Variants in UXS1 observed in about 807,000 individuals in gnomAD.
UXS1 encodes UDP-glucuronate decarboxylase 1.
A neutral mutation model predicts 62.6 loss-of-function variants in UXS1; 33 were observed. The ratio of observed to expected loss-of-function variants is 0.53; its 90% CI spans 0.40 to 0.70. The LOEUF (loss-of-function observed/expected upper bound fraction) is 0.70. Among genes scored for constraint, UXS1 ranks in the 30% least tolerant of loss-of-function variants. The pLI, the probability that UXS1 is intolerant of heterozygous loss-of-function variation, is 0.00. For synonymous variants in UXS1, 213 were observed against 206.8 expected (o/e 1.03, Z -0.26); for missense variants, 434 against 556.3 (o/e 0.78, Z 2.21).
At chr2:106,107,805 C>A (rs1163759643) in intron 10 of UXS1, among the ~76,000 whole-genome samples, 1 of 152,226 alleles carries the variant, frequency 6.6e-6, no homozygotes, top group Non-Finnish European at 1.5e-5. Context: ...CCAGCACCGA[C>A]ACAAGGTTCA....
intron 6 of UXS1, among the ~76,000 whole-genome samples, chr2:106,144,822 C>A (rs1425706631): frequency 6.6e-6 from 1 of 152,154 alleles, no homozygotes; most frequent in Non-Finnish European, 1.5e-5. Context: ...TCCATGAACT[C>A]ATCACCTCCA....
intron 6 of UXS1, among the ~76,000 whole-genome samples, chr2:106,142,464 A>G (rs1228789677): frequency 1.3e-5 from 2 of 152,070 alleles, no homozygotes; most frequent in Non-Finnish European, 2.9e-5. Context: ...TATTTTTGTA[A>G]TTTTCCAGAT....
At chr2:106,157,461 T>C (rs1307802950) in intron 5 of UXS1, among the ~76,000 whole-genome samples, 1 of 152,194 alleles carries the variant, frequency 6.6e-6, no homozygotes, top group Non-Finnish European at 1.5e-5. Context: ...TCAAATTTCA[T>C]ACTTCCTCAA....
Position 106,153,895 on chromosome 2 carries a change from G to A in UXS1, c.291+4163C>T, listed in dbSNP as rs144010903. 2.4e-4 allele frequency among the ~76,000 whole-genome samples: 37 copies of A among 152,300 alleles called. No homozygotes were observed. The East Asian group carries it at 6.9e-3, about 29-fold the overall frequency. On this transcript the variant is annotated intron_variant, in intron 5 of 14. Coordinates refer to ENST00000283148, the MANE Select transcript of UXS1 (RefSeq NM_001253875.2). ...GATAATAAAGAGAGATTACAAAATA[G>A]AAACAAATTGAATTCTGGAGTTGAA...
chr2:106,171,121 A>G (rs1029346359), intron 1 of UXS1, among the ~76,000 whole-genome samples: 3 of 152,224 alleles, frequency 2.0e-5, no homozygotes, highest in Admixed American at 6.5e-5. Context: ...GAGGCATATC[A>G]GCTTCATAGT....
intron 3 of UXS1, 85 bp downstream of exon 3, chr2:106,164,651 A>G: frequency 9.2e-7 from 1 of 1,086,588 alleles, no homozygotes; most frequent in Non-Finnish European, 1.3e-6. Flanking sequence ...TCAAGCTGCC[A>G]CAATAAGAAT....
chr2:106,096,079 T>G (rs1339103161), intron 14 of UXS1, among the ~76,000 whole-genome samples: 1 of 152,198 alleles, frequency 6.6e-6, no homozygotes, highest in African/African-American at 2.4e-5. Flanking sequence ...TGGGGACCAC[T>G]TGCCCCTGAC....
chr2:106,096,375 G>A (rs1255807177), intron 14 of UXS1, among the ~76,000 whole-genome samples: 2 of 152,196 alleles, frequency 1.3e-5, no homozygotes, highest in African/African-American at 4.8e-5. Flanking sequence ...GTGTATATAT[G>A]ACAGTGTGAG....
chr2:106,183,688 ACACACC>A (rs1684386982), intron 1 of UXS1: 1 of 152,236 alleles, frequency 6.6e-6, no homozygotes, highest in African/African-American at 2.4e-5. Flanking sequence ...ACTTTACAAC[ACACACC>A]CACACCTTTT....
chr2:106,098,983 C>T (rs1358367292), intron 12 of UXS1, among the ~76,000 whole-genome samples: 1 of 152,224 alleles, frequency 6.6e-6, no homozygotes, highest in African/African-American at 2.4e-5. Flanking sequence ...ATACCTTCAG[C>T]CTCTAGGCTG....
chr2:106,115,403 G>A (rs1678981464), intron 9 of UXS1, among the ~76,000 whole-genome samples: 1 of 152,220 alleles, frequency 6.6e-6, no homozygotes, highest in Admixed American at 6.5e-5. Context: ...ACACTGAGCT[G>A]GTGCCTTTGA....
intron 5 of UXS1, among the ~76,000 whole-genome samples, chr2:106,148,139 A>G (rs1681718318): frequency 6.6e-6 from 1 of 152,132 alleles, no homozygotes; most frequent in Admixed American, 6.5e-5. Context: ...TTCTAATTAC[A>G]CGCTCTCTAC....
intron 9 of UXS1, among the ~76,000 whole-genome samples, chr2:106,115,629 G>A (rs1157918427): frequency 1.3e-5 from 2 of 152,228 alleles, no homozygotes; most frequent in African/African-American, 4.8e-5. Context: ...CCTGCAAAGG[G>A]TGGAGGCTGG....
At chr2:106,138,767 CT>C (rs1680862856) in intron 6 of UXS1, 1 of 985,332 alleles carries the variant, frequency 1.0e-6, no homozygotes, top group Non-Finnish European at 1.2e-6. Flanking sequence ...CTGCTGCATC[CT>C]CCCATTTGAG....
intron 6 of UXS1, among the ~76,000 whole-genome samples, chr2:106,143,779 TC>T (rs1320674602): frequency 6.6e-6 from 1 of 152,130 alleles, no homozygotes; most frequent in Admixed American, 6.5e-5. Flanking sequence ...GCCAACACTC[TC>T]CCGCACATGG....
In UXS1 at chr2:106,145,308, G is replaced by A. The variant is rs1239727857; in HGVS notation, c.354C>T (p.His118=). ...HLTDKLMMDG[H]EVTVVDNFFT... Reference sequence around the variant, plus strand: ...AGAAATTGTCCACCACGGTCACCTCGTGGCCGTCCATCATGAGTTTGTCAG... The same window carrying A: ...AGAAATTGTCCACCACGGTCACCTCATGGCCGTCCATCATGAGTTTGTCAG... Residue 118 remains histidine (H), a synonymous_variant, in exon 6 of 15, where the codon CAC becomes CAT. Coordinates refer to ENST00000283148, the MANE Select transcript of UXS1 (RefSeq NM_001253875.2). 6.2e-6 allele frequency: 10 copies of A among 1,613,910 alleles called. No homozygotes were observed. Among genetic ancestry groups the A allele is most frequent in the Non-Finnish European group, 8.5e-6 (10 of 1,179,876 alleles).
chr2:106,138,215 T>C (rs768027062), intron 6 of UXS1: 29 of 985,360 alleles, frequency 2.9e-5, no homozygotes, highest in Non-Finnish European at 3.5e-5. Flanking sequence ...CTGGCTTTCT[T>C]CTTCAAAGCT....
chr2:106,157,567 C>A (rs1682538283), intron 5 of UXS1, among the ~76,000 whole-genome samples: 1 of 152,208 alleles, frequency 6.6e-6, no homozygotes, highest in East Asian at 1.9e-4. Context: ...AACTTACACA[C>A]ATGCATTCAT....
At chr2:106,102,227 G>C (rs557374513) in intron 11 of UXS1, 2 of 152,310 alleles carry the variant, frequency 1.3e-5, no homozygotes, top group South Asian at 4.1e-4. Flanking sequence ...CTAGCAAAAA[G>C]TCACTTCATC....
Sources: gnomAD v4.1 joint callset for allele counts (sites outside exome capture counted in the v4.1 genomes callset) on GRCh38, gnomAD v4.1.1 for gene constraint, MANE v1.5 for transcripts, NCBI Gene and HGNC (gene_info 2026-07-23, HGNC 2026-07-21) for gene names.